RAD51B: variants seen among roughly 807,000 people sequenced by gnomAD.
RAD51B encodes the protein RAD51 paralog B.
Under a neutral mutation model 42.2 loss-of-function variants are expected in RAD51B, and 38 were observed. The ratio of observed to expected loss-of-function variants is 0.90; its 90% CI spans 0.70 to 1.18. The LOEUF (loss-of-function observed/expected upper bound fraction) is 1.18. RAD51B is among the 50% of genes most tolerant of loss of function. The probability of loss-of-function intolerance (pLI) is 0.00; values close to 1 mark genes in which losing one functional copy is unlikely to be tolerated. For missense variants in RAD51B, 373 were observed against 400.7 expected, an observed-to-expected ratio of 0.93 and a Z score of 0.59; for synonymous variants, 154 against 145.2, an observed-to-expected ratio of 1.06 and a Z score of -0.43.
intron 8 of RAD51B, among the ~76,000 whole-genome samples, chr14:68,294,664 T>C (rs890115085): frequency 2.6e-5 from 4 of 152,166 alleles, no homozygotes; most frequent in African/African-American, 9.7e-5. Flanking sequence ...GATCATGAGG[T>C]AGGTCTGAAG....
intron 10 of RAD51B, among the ~76,000 whole-genome samples, chr14:68,517,111 C>T (rs1028450543): frequency 6.6e-6 from 1 of 152,126 alleles, no homozygotes; most frequent in Non-Finnish European, 1.5e-5. Flanking sequence ...CAGATCACAA[C>T]TCAGGACACT....
At chr14:68,107,554 T>G (rs2077395546) in intron 7 of RAD51B, among the ~76,000 whole-genome samples, 1 of 151,836 alleles carries the variant, frequency 6.6e-6, no homozygotes, top group South Asian at 2.1e-4. Context: ...AGACTCATAT[T>G]TTCCAGTTTT....
intron 9 of RAD51B, among the ~76,000 whole-genome samples, chr14:68,417,474 GC>G (rs2084590605): frequency 6.6e-6 from 1 of 152,212 alleles, no homozygotes; most frequent in South Asian, 2.1e-4. Flanking sequence ...CCACACTCTT[GC>G]AACAGAAGTG....
At chr14:68,666,722 T>C (rs1354484849) in intron 11 of RAD51B, among the ~76,000 whole-genome samples, 1 of 152,276 alleles carries the variant, frequency 6.6e-6, no homozygotes, top group Non-Finnish European at 1.5e-5. Context: ...TCACAATTTC[T>C]ATTTCCCTAT....
rs2075993582 is a variant in RAD51B at position 68,028,721 on chromosome 14, G to T, written c.756+141517G>T. ...ACTGCACACATGCTCTTGCAGTGGG[G>T]GGTCAGGGAGGGGCCCTGGAAGGAG... On this transcript the variant is annotated intron_variant, in intron 7 of 10. Coordinates refer to ENST00000471583, the MANE Select transcript of RAD51B (RefSeq NM_133510.4). Among the ~76,000 whole-genome samples, 3 of 152,326 alleles carry T rather than the reference G, an allele frequency of 2.0e-5. 1 individual carries two copies. In the East Asian group the frequency reaches 5.8e-4, roughly 29 times the overall value.
intron 10 of RAD51B, among the ~76,000 whole-genome samples, chr14:68,496,615 A>G (rs1371803361): frequency 6.6e-6 from 1 of 152,268 alleles, no homozygotes; most frequent in African/African-American, 2.4e-5. Flanking sequence ...CTGCTTATGC[A>G]GCAAGGCAGG....
intron 11 of RAD51B, among the ~76,000 whole-genome samples, chr14:68,669,871 G>A (rs570829570): frequency 4.6e-5 from 7 of 152,276 alleles, no homozygotes; most frequent in Non-Finnish European, 8.8e-5. Flanking sequence ...AAGGACCTGC[G>A]ACCTGCTGTG....
At chr14:67,864,747 C>T in intron 4 of RAD51B, 2 of 591,158 alleles carry the variant, frequency 3.4e-6, no homozygotes, top group Non-Finnish European at 6.2e-6. Context: ...CTACAAAATA[C>T]AGTGGATGAT....
intron 10 of RAD51B, among the ~76,000 whole-genome samples, chr14:68,627,511 G>C (rs1230154120): frequency 6.6e-6 from 1 of 152,122 alleles, no homozygotes; most frequent in Non-Finnish European, 1.5e-5. Context: ...AACCTCACTG[G>C]ACATGCTCCA....
intron 8 of RAD51B, among the ~76,000 whole-genome samples, chr14:68,366,394 A>AAAC (rs1228572091): frequency 1.3e-5 from 2 of 152,238 alleles, no homozygotes; most frequent in East Asian, 1.9e-4. Context: ...ATTGTAAAGG[A>AAAC]AACAACAACA....
intron 7 of RAD51B, among the ~76,000 whole-genome samples, chr14:68,045,818 A>T (rs940716942): frequency 6.6e-6 from 1 of 152,176 alleles, no homozygotes; most frequent in Non-Finnish European, 1.5e-5. Flanking sequence ...ACCTTTGGGG[A>T]TGATGATTTA....
chr14:67,839,813 C>T (rs11844492), intron 4 of RAD51B, among the ~76,000 whole-genome samples: 50,500 of 151,742 alleles, frequency 0.33, 8,813 homozygotes, highest in Middle Eastern at 0.45. Context: ...CCTTTTAAGA[C>T]TGAATTTTTC....
chr14:68,033,533 T>C (rs1257335267), intron 7 of RAD51B, among the ~76,000 whole-genome samples: 1 of 148,510 alleles, frequency 6.7e-6, no homozygotes, highest in African/African-American at 2.6e-5. Flanking sequence ...ATAGATAATT[T>C]TGTGAAATTT....
intron 7 of RAD51B, among the ~76,000 whole-genome samples, chr14:68,258,382 G>C (rs555608831): frequency 2.0e-4 from 31 of 151,800 alleles, no homozygotes; most frequent in African/African-American, 7.3e-4. Flanking sequence ...TCCAGCCTGG[G>C]AGACCCTGTC....
At chr14:68,470,524 T>A (rs1013496598) in intron 10 of RAD51B, 1 of 491,930 alleles carries the variant, frequency 2.0e-6, no homozygotes, top group African/African-American at 1.9e-5. Context: ...TTTTGTCAGC[T>A]GGAAAATGAA....
At chr14:67,928,624 TGTG>T (rs763378253) in intron 7 of RAD51B, among the ~76,000 whole-genome samples, 12 of 152,098 alleles carry the variant, frequency 7.9e-5, no homozygotes, top group South Asian at 2.1e-4. Flanking sequence ...ACTTGGTACT[TGTG>T]GTGACAAGGA....
chr14:68,453,047 G>A (rs766917574), intron 9 of RAD51B, among the ~76,000 whole-genome samples: 2 of 152,048 alleles, frequency 1.3e-5, no homozygotes, highest in African/African-American at 4.8e-5. Context: ...TCACATGTGG[G>A]ATGTGTGTGT....
chr14:68,624,205 T>C (rs917164403), intron 10 of RAD51B, among the ~76,000 whole-genome samples: 2 of 152,200 alleles, frequency 1.3e-5, no homozygotes, highest in African/African-American at 4.8e-5. Flanking sequence ...CAGCACATGT[T>C]TGATGGGTGT....
At chr14:67,825,817 C>T (rs2040813323) in intron 3 of RAD51B, among the ~76,000 whole-genome samples, 1 of 152,074 alleles carries the variant, frequency 6.6e-6, no homozygotes, top group African/African-American at 2.4e-5. Flanking sequence ...GTAGCCTCTG[C>T]CTCCTGGGTT....
Sources: allele counts gnomAD v4.1 joint callset (sites outside exome capture counted in the v4.1 genomes callset), GRCh38; gene constraint gnomAD v4.1.1; transcripts MANE v1.5; gene names NCBI Gene and HGNC (gene_info 2026-07-23, HGNC 2026-07-21).